DAB1: variants seen among roughly 807,000 people sequenced by gnomAD.
The protein encoded by DAB1 is disabled homolog 1.
A neutral mutation model predicts 64.6 loss-of-function variants in DAB1; 15 were observed. That is an observed-to-expected ratio of 0.23 (90% CI 0.16 to 0.36). The LOEUF is 0.36. Among genes scored for constraint, DAB1 ranks in the 10% least tolerant of loss-of-function variants. The pLI is 1.00. For missense variants in DAB1, 596 were observed against 706.7 expected (o/e 0.84, Z 1.78); for synonymous variants, 235 against 251.9 (o/e 0.93, Z 0.64).
intron 4 of DAB1, among the ~76,000 whole-genome samples, chr1:58,151,351 T>C (rs977291401): frequency 1.3e-5 from 2 of 152,276 alleles, no homozygotes; most frequent in Admixed American, 6.5e-5. Flanking sequence ...CTCTCCAGCA[T>C]CTGTTGTTTC....
chr1:58,368,599 G>A (rs1644237152), intron 3 of DAB1, among the ~76,000 whole-genome samples: 1 of 152,028 alleles, frequency 6.6e-6, no homozygotes, highest in African/African-American at 2.4e-5. Context: ...ATTTTGACAG[G>A]CCACATTCTT....
rs1672441648 is a variant in DAB1, at chr1:57,287,787, T to TTTATTTATTTATTTA, written c.67+3162_67+3176dup. ...GCACGTTTTCTCTCTCTTTTATTTATTTATTTATTTATTTATTTATTTATT... is the reference window on the plus strand; with the variant it reads ...GCACGTTTTCTCTCTCTTTTATTTATTTATTTATTTATTTATTATTTATTTATTTATTTATTTATT... On this transcript the variant is annotated intron_variant, in intron 2 of 14. Coordinates refer to ENST00000371236, the MANE Select transcript of DAB1 (RefSeq NM_001365792.1). Among the ~76,000 whole-genome samples, 15 of 138,356 alleles carry TTTATTTATTTATTTA rather than the reference T, an allele frequency of 1.1e-4. No individual in the cohort carries two copies. In the South Asian group the frequency reaches 3.5e-3, roughly 32 times the overall value. The allele number at this position is 138,356 out of a possible 152,430, so 90.8% of individuals were successfully genotyped here.
At chr1:57,567,060 T>A (rs1461644490) in intron 7 of DAB1, among the ~76,000 whole-genome samples, 4 of 152,094 alleles carry the variant, frequency 2.6e-5, no homozygotes, top group Non-Finnish European at 5.9e-5. Flanking sequence ...CAGCAACACA[T>A]CAAAAAGCTT....
chr1:57,253,756 C>T (rs1336009440), intron 2 of DAB1, among the ~76,000 whole-genome samples: 1 of 152,196 alleles, frequency 6.6e-6, no homozygotes, highest in African/African-American at 2.4e-5. Flanking sequence ...CAACCATCCT[C>T]TACTCCTGAT....
intron 1 of DAB1, among the ~76,000 whole-genome samples, chr1:57,308,982 G>A (rs192741567): frequency 7.6e-4 from 116 of 152,310 alleles, no homozygotes; most frequent in Non-Finnish European, 1.2e-3. Flanking sequence ...ACAGCCACAT[G>A]TAGCCCAGGG....
intron 6 of DAB1, among the ~76,000 whole-genome samples, chr1:57,658,613 A>G (rs1259958743): frequency 6.6e-6 from 1 of 151,992 alleles, no homozygotes; most frequent in Non-Finnish European, 1.5e-5. Context: ...CCCAGGCTGG[A>G]GTACAATGGC....
chr1:57,641,049 A>C (rs1483641970), intron 7 of DAB1, among the ~76,000 whole-genome samples: 2 of 152,158 alleles, frequency 1.3e-5, no homozygotes, highest in African/African-American at 4.8e-5. Flanking sequence ...GACTGCATTC[A>C]AACTCACTCC....
chr1:58,499,477 TATAG>T (rs60917151), intron 3 of DAB1, among the ~76,000 whole-genome samples: 26,168 of 143,620 alleles, frequency 0.18, 2,409 homozygotes, highest in African/African-American at 0.24. Context: ...AAAGCCAGAC[TATAG>T]ATAGATAGAT....
intron 9 of DAB1, among the ~76,000 whole-genome samples, chr1:57,044,382 A>C (rs1648193079): frequency 6.6e-6 from 1 of 152,242 alleles, no homozygotes; most frequent in Non-Finnish European, 1.5e-5. Context: ...AGAGCAATGC[A>C]TAAGTGACCA....
At chr1:57,920,575 G>A (rs115208473) in intron 5 of DAB1, among the ~76,000 whole-genome samples, 1 of 152,076 alleles carries the variant, frequency 6.6e-6, no homozygotes. Context: ...GCAGTCCGAC[G>A]TGGAGTCAGG....
intron 6 of DAB1, among the ~76,000 whole-genome samples, chr1:57,711,625 G>A (rs1364855220): frequency 6.6e-6 from 1 of 152,222 alleles, no homozygotes; most frequent in Admixed American, 6.5e-5. Context: ...AAGTTAATGA[G>A]TAGGTTGTTA....
At chr1:57,002,691 C>A (rs992405658) in intron 14 of DAB1, among the ~76,000 whole-genome samples, 1 of 152,190 alleles carries the variant, frequency 6.6e-6, no homozygotes, top group Non-Finnish European at 1.5e-5. Context: ...TTGCCTTATG[C>A]TGATGGTATG....
intron 2 of DAB1, among the ~76,000 whole-genome samples, chr1:57,227,497 T>C (rs2100414215): frequency 6.7e-6 from 1 of 149,890 alleles, no homozygotes; most frequent in East Asian, 2.0e-4. Flanking sequence ...GGGAAAGAAG[T>C]GGAGGCAGGA....
At chr1:57,158,941 C>T (rs890330271) in intron 2 of DAB1, among the ~76,000 whole-genome samples, 6 of 152,266 alleles carry the variant, frequency 3.9e-5, no homozygotes, top group East Asian at 3.9e-4. Context: ...TCAATTTTCA[C>T]GTTTCTGTAG....
At chr1:58,321,220 C>T (rs1489897489) in intron 4 of DAB1, among the ~76,000 whole-genome samples, 1 of 152,208 alleles carries the variant, frequency 6.6e-6, no homozygotes, top group African/African-American at 2.4e-5. Flanking sequence ...TTCTGTTTTC[C>T]AGTTTAGATC....
At chr1:57,920,166 T>G (rs1473446933) in intron 5 of DAB1, among the ~76,000 whole-genome samples, 1 of 152,156 alleles carries the variant, frequency 6.6e-6, no homozygotes, top group African/African-American at 2.4e-5. Context: ...AAAGGGACTT[T>G]GAAGGTCATT....
chr1:58,255,572 CAT>C (rs1660910887), intron 4 of DAB1, among the ~76,000 whole-genome samples: 1 of 152,114 alleles, frequency 6.6e-6, no homozygotes, highest in Non-Finnish European at 1.5e-5. Flanking sequence ...CAGTCTCAAA[CAT>C]ATGGAAAAAA....
intron 3 of DAB1, among the ~76,000 whole-genome samples, chr1:58,369,613 T>C (rs1644246733): frequency 6.6e-6 from 1 of 152,254 alleles, no homozygotes; most frequent in South Asian, 2.1e-4. Flanking sequence ...ATGCCTAGCA[T>C]GGGCAAGGAG....
intron 5 of DAB1, among the ~76,000 whole-genome samples, chr1:58,035,021 T>C (rs578017933): frequency 8.1e-4 from 123 of 152,368 alleles, no homozygotes; most frequent in African/African-American, 2.7e-3. Context: ...CTTTAGACTT[T>C]GGTGGAATTT....
Sources: gnomAD v4.1 joint callset for allele counts (sites outside exome capture counted in the v4.1 genomes callset) on GRCh38, gnomAD v4.1.1 for gene constraint, MANE v1.5 for transcripts, NCBI Gene and HGNC (gene_info 2026-07-23, HGNC 2026-07-21) for gene names.